Variants in ATP2B4 observed in about 807,000 individuals in gnomAD.
The protein encoded by ATP2B4 is plasma membrane calcium-transporting ATPase 4.
In ATP2B4, 39 loss-of-function variants were observed where a neutral mutation model predicts 110.3. The ratio of observed to expected loss-of-function variants is 0.35; its 90% CI spans 0.27 to 0.46. The LOEUF (loss-of-function observed/expected upper bound fraction) is 0.46. Ranked by LOEUF, ATP2B4 falls within the 20% of genes least tolerant of loss-of-function variation. ATP2B4 has a pLI of 1.00. For synonymous variants in ATP2B4, 538 were observed against 571.7 expected (o/e 0.94, Z 0.84); for missense variants, 1,135 against 1,530.9 (o/e 0.74, Z 4.32).
At position 203,741,737 on chromosome 1, in the gene ATP2B4, A is replaced by G. The variant is rs924863009; in HGVS notation, c.*1883A>G. Reference sequence around the variant, plus strand: ...GACTACATAATCCATCATCGTAGGAAATAGGAAAGCAAATTTGATTTTGGT... The same window carrying G: ...GACTACATAATCCATCATCGTAGGAGATAGGAAAGCAAATTTGATTTTGGT... On this transcript the variant is annotated 3_prime_UTR_variant, in exon 21 of 21. Transcript: ENST00000357681. 6 of 152,636 alleles carry G rather than the reference A, an allele frequency of 3.9e-5. No homozygotes were observed. The highest frequency in any genetic ancestry group is 2.6e-4 in the Admixed American group (4 of 15,276). The allele number at this position is 152,636 out of a possible 1,614,324, so 9.5% of individuals were successfully genotyped here.
chr1:203,647,834 G>A (rs1210397887), intron 1 of ATP2B4, among the ~76,000 whole-genome samples: 1 of 152,154 alleles, frequency 6.6e-6, no homozygotes. Context: ...TTTGGAAGCT[G>A]ACCACCTGGA....
Position 203,721,654 on chromosome 1 carries a change from CT to C in ATP2B4, c.2812+263del, listed in dbSNP as rs940034577. 4.6e-3 allele frequency among the ~76,000 whole-genome samples: 540 copies of C among 116,618 alleles called. 1 individual carries two copies. Among genetic ancestry groups the C allele is most frequent in the Middle Eastern group, 9.4e-3 (2 of 212 alleles). 76.5% of individuals were successfully genotyped at this position (116,618 alleles called of 152,430 possible). A position where few individuals can be genotyped will look rare whatever the true frequency, so the allele number is the denominator to read the frequency against. ...GGGAGGCTTTATTATTTCTTTCTTT[CT>C]TTTTTTTTTTTTTTTTTTCTTTTTG... On this transcript the variant is annotated intron_variant, in intron 17 of 20. Transcript: ENST00000357681.
rs1338835037 is a variant in ATP2B4, at chr1:203,720,693, A to C, written c.2551A>C (p.Asn851His). 2 of 1,614,048 alleles carry C rather than the reference A, an allele frequency of 1.2e-6. No homozygotes were observed. Among genetic ancestry groups the C allele is most frequent in the South Asian group, 2.2e-5 (2 of 91,070 alleles). The change falls in exon 16 of 21, where the codon AAT (asparagine) becomes CAT (histidine). Residue 851 changes from asparagine to histidine, a missense_variant. Physicochemically the swap from Asn to His is moderately conservative, Grantham distance 68. Coordinates refer to ENST00000357681, the MANE Select transcript of ATP2B4 (RefSeq NM_001684.5). ...SKFLQFQLTV[N>H]VVAVIVAFTG... ...GTTCCTGCAGTTCCAGCTCACTGTC[A>C]ATGTGGTGGCCGTGATTGTAGCCTT...
At chr1:203,656,793 G>A (rs941395825) in intron 1 of ATP2B4, among the ~76,000 whole-genome samples, 3 of 152,094 alleles carry the variant, frequency 2.0e-5, no homozygotes, top group African/African-American at 7.2e-5. Context: ...TATGAACATG[G>A]GGTCTAAGCA....
intron 2 of ATP2B4, among the ~76,000 whole-genome samples, chr1:203,686,687 T>TTC (rs1168504321): frequency 4.6e-5 from 5 of 109,476 alleles, no homozygotes; most frequent in Non-Finnish European, 5.5e-5. Context: ...TTTTCTTTCT[T>TTC]TTTTTTTTTT....
chr1:203,672,273 G>C (rs540910740), intron 1 of ATP2B4, among the ~76,000 whole-genome samples: 51 of 146,954 alleles, frequency 3.5e-4, no homozygotes, highest in Admixed American at 5.6e-4. Flanking sequence ...CAAGTCATAG[G>C]CTCTATTTTC....
chr1:203,698,883 C>T (rs758137219), intron 3 of ATP2B4, among the ~76,000 whole-genome samples: 5 of 151,976 alleles, frequency 3.3e-5, no homozygotes, highest in East Asian at 1.9e-4. Flanking sequence ...GTGATCCACC[C>T]GCCTTGGCCT....
At chr1:203,720,308 G>A (rs1469636014) in intron 15 of ATP2B4, among the ~76,000 whole-genome samples, 3 of 152,162 alleles carry the variant, frequency 2.0e-5, no homozygotes, top group African/African-American at 4.8e-5. Context: ...AGGAGGGGAG[G>A]GTGAAAGGGA....
chr1:203,678,259 TTTC>T (rs1664887909), intron 1 of ATP2B4, among the ~76,000 whole-genome samples: 1 of 152,226 alleles, frequency 6.6e-6, no homozygotes, highest in South Asian at 2.1e-4. Context: ...TGGGGATGTA[TTTC>T]TTCTTTAGCA....
Position 203,707,065 on chromosome 1 carries a change from A to C in ATP2B4, c.1156A>C (p.Asn386His). 4 of 1,614,082 alleles carry C rather than the reference A, an allele frequency of 2.5e-6. No individual in the cohort carries two copies. Among genetic ancestry groups the C allele is most frequent in the Non-Finnish European group, 3.4e-6 (4 of 1,179,990 alleles). ...FILILYFVIDNFVINRRPWLP... is the reference protein window; with the variant it reads ...FILILYFVIDHFVINRRPWLP... ...CCTGATTCTATACTTTGTGATTGAC[A>C]ACTTTGTGATAAATCGCAGACCATG... The change falls in exon 9 of 21, where the codon AAC (asparagine) becomes CAC (histidine). Residue 386 changes from asparagine to histidine, a missense_variant. Physicochemically the swap from Asn to His is moderately conservative, Grantham distance 68. Transcript: ENST00000357681.
At chr1:203,699,811 C>A in intron 4 of ATP2B4, 94 bp downstream of exon 4, 1 of 1,533,468 alleles carries the variant, frequency 6.5e-7, no homozygotes, top group Non-Finnish European at 8.8e-7. Context: ...TGCTGAAAAC[C>A]CAAAAAGATA....
chr1:203,712,051 C>T lies in ATP2B4; in HGVS notation c.2123C>T (p.Thr708Ile). The T allele has an allele frequency of 1.2e-6, 2 of 1,614,158 alleles. No individual in the cohort carries two copies. The highest frequency in any genetic ancestry group is 1.7e-6 in the Non-Finnish European group (2 of 1,180,006). Residue 708 changes from threonine to isoleucine, a missense_variant, in exon 13 of 21, where the codon ACC becomes ATC. Physicochemically the swap from Thr to Ile is moderately conservative, Grantham distance 89. Transcript: ENST00000357681. ...DNINTARAIA[T>I]KCGILTPGDD... ...ATCAACACAGCCCGGGCCATTGCCA[C>T]CAAATGTGGCATTCTGACACCTGGG...
In ATP2B4 at chr1:203,640,140, G is replaced by A. The variant is rs756669844; in HGVS notation, c.-465+12921G>A. On this transcript the variant is annotated intron_variant, in intron 1 of 20. Coordinates refer to ENST00000357681, the MANE Select transcript of ATP2B4 (RefSeq NM_001684.5). Reference sequence around the variant, plus strand: ...ATAAACATTAAAGTGCTAGATATACGTAAAGCTTATTATTCCGGTGACCCC... The same window carrying A: ...ATAAACATTAAAGTGCTAGATATACATAAAGCTTATTATTCCGGTGACCCC... Among the ~76,000 whole-genome samples, 9 of 152,096 alleles carry A rather than the reference G, an allele frequency of 5.9e-5. No homozygotes were observed. In the East Asian group the frequency reaches 9.6e-4, roughly 16 times the overall value.
At chr1:203,695,622 A>C (rs1227708622) in intron 2 of ATP2B4, among the ~76,000 whole-genome samples, 1 of 152,038 alleles carries the variant, frequency 6.6e-6, no homozygotes. Context: ...TCTCCTAAGC[A>C]CTAGCAAGTG....
chr1:203,683,165 T>G lies in ATP2B4; in HGVS notation c.-41T>G, dbSNP rs1665065380. 1.3e-6 allele frequency: 2 copies of G among 1,596,170 alleles called. No individual in the cohort carries two copies. Among genetic ancestry groups the G allele is most frequent in the South Asian group, 2.3e-5 (2 of 88,290 alleles). ...ACACTGGTCAGTTGAAGGGAAACGCTACATCTTCTCTGGTTGAGGGGCTTG... is the reference window on the plus strand; with the variant it reads ...ACACTGGTCAGTTGAAGGGAAACGCGACATCTTCTCTGGTTGAGGGGCTTG... On this transcript the variant is annotated 5_prime_UTR_variant, in exon 2 of 21. Transcript: ENST00000357681.
At chr1:203,706,821 A>T (rs1665862117) in intron 8 of ATP2B4, among the ~76,000 whole-genome samples, 188 bp from the exon 9 acceptor site, 1 of 152,140 alleles carries the variant, frequency 6.6e-6, no homozygotes, top group South Asian at 2.1e-4. Context: ...TGAAATACGA[A>T]ACCACTGTCT....
At chr1:203,723,598 G>A (rs1390373519) in intron 18 of ATP2B4, among the ~76,000 whole-genome samples, 1 of 151,642 alleles carries the variant, frequency 6.6e-6, no homozygotes, top group African/African-American at 2.4e-5. Context: ...GTCACTAACT[G>A]GCTTTAGTCA....
At position 203,683,195 on chromosome 1, in the gene ATP2B4, C is replaced by G. The variant is rs751460668; in HGVS notation, c.-11C>G. The stretch of plus-strand genomic sequence containing the variant: ...CTTCTCTGGTTGAGGGGCTTGGTAA[C>G]AGCAGGCAAAATGACGAACCCATCA... On this transcript the variant is annotated 5_prime_UTR_variant, in exon 2 of 21. Coordinates refer to ENST00000357681, the MANE Select transcript of ATP2B4 (RefSeq NM_001684.5). 1 of 1,611,498 alleles carries G rather than the reference C, an allele frequency of 6.2e-7. No individual in the cohort carries two copies. The highest frequency in any genetic ancestry group is 1.3e-5 in the African/African-American group (1 of 75,020).
intron 1 of ATP2B4, among the ~76,000 whole-genome samples, chr1:203,651,065 A>G (rs10793751): frequency 0.96 from 146,174 of 152,210 alleles, 70,491 homozygotes; most frequent in East Asian, 1. Flanking sequence ...ATGAGCCACC[A>G]TGCCTGGCCT....
Sources: allele counts gnomAD v4.1 joint callset (sites outside exome capture counted in the v4.1 genomes callset), GRCh38; gene constraint gnomAD v4.1.1; transcripts MANE v1.5; gene names NCBI Gene and HGNC (gene_info 2026-07-23, HGNC 2026-07-21).